BSN: variants seen among roughly 807,000 people sequenced by gnomAD.
BSN encodes protein bassoon.
In BSN, 57 loss-of-function variants were observed where a neutral mutation model predicts 264.8. That is an observed-to-expected ratio of 0.22 (90% CI 0.17 to 0.27). The LOEUF (loss-of-function observed/expected upper bound fraction) is 0.27, where lower values mean the gene tolerates loss of function less well. BSN is among the 10% of genes least tolerant of loss of function. The probability of loss-of-function intolerance (pLI) is 1.00; values close to 1 mark genes in which losing one functional copy is unlikely to be tolerated. For synonymous variants in BSN, 2,059 were observed against 2,137.3 expected (o/e 0.96, Z 1.01); for missense variants, 4,615 against 5,232.5 (o/e 0.88, Z 3.64).
Position 49,653,408 on chromosome 3 carries a change from A to G in BSN, c.3852A>G (p.Lys1284=). 1 of 1,613,908 alleles carries G rather than the reference A, an allele frequency of 6.2e-7. No individual in the cohort carries two copies. The highest frequency in any genetic ancestry group is 8.5e-7 in the Non-Finnish European group (1 of 1,180,008). The part of the protein sequence containing the change: ...SSRDLAFAED[K]KKEKQFLNAE... ...GAGACCTGGCTTTTGCTGAGGACAA[A>G]AAGAAGGAGAAGCAGTTTCTAAATG... is the stretch of plus-strand genomic sequence containing the variant. Residue 1284 remains lysine, a synonymous_variant, in exon 5 of 12, where the codon AAA becomes AAG. Coordinates refer to ENST00000296452, the MANE Select transcript of BSN (RefSeq NM_003458.4). The surrounding 1 kb of genome is among the most constrained non-coding windows in gnomAD (Gnocchi z 6.3).
At chr3:49,602,229 C>T (rs2052077513) in intron 1 of BSN, among the ~76,000 whole-genome samples, 1 of 152,168 alleles carries the variant, frequency 6.6e-6, no homozygotes, top group South Asian at 2.1e-4. Flanking sequence ...TCTTGACCTG[C>T]TGTGCTCTGA....
At position 49,664,572 on chromosome 3, in the gene BSN, C is replaced by CGGA; in HGVS notation, c.11740+18_11740+19insGGA. 6.3e-6 allele frequency: 10 copies of CGGA among 1,583,096 alleles called. No homozygotes were observed. Among genetic ancestry groups the CGGA allele is most frequent in the Non-Finnish European group, 8.6e-6 (10 of 1,165,448 alleles). Reference sequence around the variant, plus strand: ...GACGGAAGGTATGCACTGCCTGCAACTGGTCTGTGGTGGGTGGCTACTCTG... The same window carrying CGGA: ...GACGGAAGGTATGCACTGCCTGCAACGGATGGTCTGTGGTGGGTGGCTACTCTG... On this transcript the variant is annotated intron_variant, in intron 9 of 11. Transcript: ENST00000296452.
chr3:49,662,986 C>A lies in BSN; in HGVS notation c.10828C>A (p.Arg3610=). The change falls in exon 7 of 12, where the codon CGA becomes AGA. Residue 3610 remains arginine (R), a synonymous_variant. Transcript: ENST00000296452. ...GHAVSSSSQK[R]GPARHSYHDY... ...TGCAGTTTCCTCCTCCTCCCAGAAG[C>A]GAGGCCCTGCCAGGCACAGCTACCA... is the stretch of plus-strand genomic sequence containing the variant. The A allele has an allele frequency of 6.2e-7, 1 of 1,614,128 alleles. No individual in the cohort carries two copies. The highest frequency in any genetic ancestry group is 1.1e-5 in the South Asian group (1 of 91,088).
chr3:49,575,494 GTGTGTGTATATATATGTAAATATA>G (rs951277103), intron 1 of BSN, among the ~76,000 whole-genome samples: 3 of 145,800 alleles, frequency 2.1e-5, no homozygotes, highest in African/African-American at 7.6e-5. Context: ...AAATATATAT[GTGTGTGTATATATATGTAAATATA>G]TGTGTGTATA....
chr3:49,605,755 T>C (rs1483162781), intron 1 of BSN, among the ~76,000 whole-genome samples: 1 of 77,976 alleles, frequency 1.3e-5, no homozygotes, highest in Non-Finnish European at 2.2e-5. Flanking sequence ...ATATAATATA[T>C]AAATATATAT....
chr3:49,642,894 G>A lies in BSN; in HGVS notation c.1260G>A (p.Met420Ile), dbSNP rs1347801766. 1.2e-6 allele frequency: 2 copies of A among 1,614,018 alleles called. No homozygotes were observed. Among genetic ancestry groups the A allele is most frequent in the Non-Finnish European group, 1.7e-6 (2 of 1,180,018 alleles). Residue 420 changes from methionine to isoleucine, a missense_variant, in exon 3 of 12, where the codon ATG (methionine) becomes ATA (isoleucine). Physicochemically the swap from Met to Ile is conservative, Grantham distance 10. This residue lies in a region of BSN where 1,197 missense variants were observed against 1,348.0 expected (regional missense o/e 0.89). Transcript: ENST00000296452. The surrounding 1 kb of genome is among the most constrained non-coding windows in gnomAD (Gnocchi z 7.0). ...PGAKTEPGAR[M>I]GPGSGPGALP... ...CCAAAACTGAGCCTGGGGCTAGAAT[G>A]GGTCCTGGATCTGGACCTGGAGCCC...
Position 49,656,565 on chromosome 3 carries a change from C to G in BSN, c.7009C>G (p.Pro2337Ala). The G allele has an allele frequency of 6.4e-7, 1 of 1,574,734 alleles. No individual in the cohort carries two copies. Among genetic ancestry groups the G allele is most frequent in the African/African-American group, 1.4e-5 (1 of 73,600 alleles). The change falls in exon 5 of 12, where the codon CCA (proline) becomes GCA (alanine). Residue 2337 changes from proline to alanine, a missense_variant. Physicochemically the swap from Pro to Ala is conservative, Grantham distance 27. This residue lies in a region of BSN where 3,415 missense variants were observed against 3,866.4 expected (regional missense o/e 0.88). Transcript: ENST00000296452. ...TGCCCCACTAGCTGGCCAGAAGCCA[C>G]CAGCAGATGCTGCTCCTGGGGGTGG... ...APAPLAGQKP[P>A]ADAAPGGGSG...
chr3:49,655,786 G>C lies in BSN; in HGVS notation c.6230G>C (p.Gly2077Ala), dbSNP rs1488534156. The C allele has an allele frequency of 6.2e-7, 1 of 1,613,356 alleles. No homozygotes were observed. Residue 2077 changes from glycine (G) to alanine (A), a missense_variant, in exon 5 of 12, where the codon GGA (glycine) becomes GCA (alanine). Around this residue, in one of 3 missense-constraint regions of BSN, gnomAD observed 3,415 missense variants for 3,866.4 expected, o/e 0.88. Coordinates refer to ENST00000296452, the MANE Select transcript of BSN (RefSeq NM_003458.4). Reference protein sequence around the residue: ...IYSDHRYGPRGDAVGFQEASL... With the variant: ...IYSDHRYGPRADAVGFQEASL... ...TCAGACCACAGGTACGGCCCACGGGGAGATGCAGTTGGCTTCCAGGAGGCC... is the reference window on the plus strand; with the variant it reads ...TCAGACCACAGGTACGGCCCACGGGCAGATGCAGTTGGCTTCCAGGAGGCC...
At chr3:49,667,404 T>A (rs1242689344) in intron 11 of BSN, among the ~76,000 whole-genome samples, 186 bp from the exon 12 acceptor site, 1 of 151,494 alleles carries the variant, frequency 6.6e-6, no homozygotes, top group Non-Finnish European at 1.5e-5. Flanking sequence ...CTCTGTGACC[T>A]CCAACCTGCC....
At position 49,607,396 on chromosome 3, in the gene BSN, AG is replaced by A. The variant is rs563762473; in HGVS notation, c.225-17576del. On this transcript the variant is annotated intron_variant, in intron 1 of 11. Coordinates refer to ENST00000296452, the MANE Select transcript of BSN (RefSeq NM_003458.4). ...CCAGGCATTCTGGGTGTGGTGATTCAGGGCTGGGCTAGTCCCTCAGAGCACT... is the reference window on the plus strand; with the variant it reads ...CCAGGCATTCTGGGTGTGGTGATTCAGGCTGGGCTAGTCCCTCAGAGCACT... 2.2e-3 allele frequency among the ~76,000 whole-genome samples: 335 copies of A among 152,270 alleles called. 2 individuals carry two copies. The highest frequency in any genetic ancestry group is 0.01 in the Middle Eastern group (3 of 294).
At chr3:49,568,980 A>C (rs1250559741) in intron 1 of BSN, among the ~76,000 whole-genome samples, 1 of 152,102 alleles carries the variant, frequency 6.6e-6, no homozygotes, top group Non-Finnish European at 1.5e-5. Flanking sequence ...GAGTAGTAAG[A>C]GTGATGAAAA....
chr3:49,598,244 A>G (rs1386259192), intron 1 of BSN, among the ~76,000 whole-genome samples: 3 of 152,142 alleles, frequency 2.0e-5, no homozygotes, highest in Non-Finnish European at 4.4e-5. Flanking sequence ...TAAGGAATAT[A>G]TTGTACAACT....
Position 49,653,038 on chromosome 3 carries a change from T to C in BSN, c.3482T>C (p.Leu1161Pro). The part of the protein sequence containing the change: ...SEYNLPTFMS[L>P]YSPTETPSGS... ...TACAACCTGCCCACCTTCATGTCCC[T>C]CTACTCACCAACCGAGACACCCTCC... Residue 1161 changes from leucine (L) to proline (P), a missense_variant, in exon 5 of 12, where the codon CTC becomes CCC. Around this residue, in one of 3 missense-constraint regions of BSN, gnomAD observed 3,415 missense variants for 3,866.4 expected, o/e 0.88. Coordinates refer to ENST00000296452, the MANE Select transcript of BSN (RefSeq NM_003458.4). This position sits in a 1 kb window ranked among gnomAD's most constrained non-coding sequence, Gnocchi z 6.3. 2 of 1,613,516 alleles carry C rather than the reference T, an allele frequency of 1.2e-6. No homozygotes were observed. Among genetic ancestry groups the C allele is most frequent in the Non-Finnish European group, 1.7e-6 (2 of 1,180,006 alleles).
rs974981047 is a variant in BSN, at chr3:49,579,750, T to C, written c.224+24924T>C. ...GCGCTTTAAAAAATTGAAATTCCTT[T>C]CTATTTCTAGTCTGTTAAATTTTTT... On this transcript the variant is annotated intron_variant, in intron 1 of 11. Transcript: ENST00000296452. Among the ~76,000 whole-genome samples, 6 of 149,486 alleles carry C rather than the reference T, an allele frequency of 4.0e-5. No individual in the cohort carries two copies. In the East Asian group the frequency reaches 1.0e-3, roughly 25 times the overall value.
intron 5 of BSN, among the ~76,000 whole-genome samples, chr3:49,659,809 C>T (rs1231709911): frequency 1.3e-5 from 2 of 152,092 alleles, no homozygotes; most frequent in African/African-American, 2.4e-5. Context: ...GCAGGTTGAC[C>T]GAGGGACATG....
At chr3:49,648,382 A>C (rs2052515619) in intron 3 of BSN, among the ~76,000 whole-genome samples, 1 of 152,244 alleles carries the variant, frequency 6.6e-6, no homozygotes, top group Admixed American at 6.5e-5. Context: ...GGGCCAGCCC[A>C]CTGGGCCTAG....
At chr3:49,631,601 G>A (rs1201698713) in intron 2 of BSN, among the ~76,000 whole-genome samples, 1 of 151,730 alleles carries the variant, frequency 6.6e-6, no homozygotes, top group Admixed American at 6.6e-5. Context: ...TCCAAAGAGA[G>A]CATTAGGCTG....
intron 1 of BSN, among the ~76,000 whole-genome samples, chr3:49,581,382 C>T (rs1355133485): frequency 2.0e-5 from 3 of 152,280 alleles, no homozygotes; most frequent in Admixed American, 6.5e-5. Context: ...TAGTTACCCA[C>T]GGTATGGTAC....
At chr3:49,644,449 C>T (rs139721919) in intron 3 of BSN, among the ~76,000 whole-genome samples, 11 of 152,310 alleles carry the variant, frequency 7.2e-5, no homozygotes, top group Non-Finnish European at 1.3e-4. Context: ...AAAGGCCACA[C>T]TTTCCAATAT....
Sources: gnomAD v4.1 joint callset for allele counts (sites outside exome capture counted in the v4.1 genomes callset) on GRCh38, gnomAD v4.1.1 for gene constraint, gnomAD v4.1.1 regional missense constraint, Gnocchi (gnomAD v3.1) non-coding constraint, MANE v1.5 for transcripts, NCBI Gene and HGNC (gene_info 2026-07-23, HGNC 2026-07-21) for gene names.